PTPRT: variants seen among roughly 807,000 people sequenced by gnomAD.
PTPRT encodes protein tyrosine phosphatase receptor type T, also known as receptor-type tyrosine-protein phosphatase T.
In PTPRT, 56 loss-of-function variants were observed where a neutral mutation model predicts 176.8. That is an observed-to-expected ratio of 0.32 (90% CI 0.26 to 0.40). PTPRT has a LOEUF of 0.40. Among genes scored for constraint, PTPRT ranks in the 10% least tolerant of loss-of-function variants. The probability of loss-of-function intolerance (pLI) is 1.00; values close to 1 mark genes in which losing one functional copy is unlikely to be tolerated. For synonymous variants in PTPRT, 783 were observed against 739.0 expected (o/e 1.06, Z -0.96); for missense variants, 1,540 against 1,908.2 (o/e 0.81, Z 3.60).
At chr20:43,166,754 T>C (rs2014869644) in intron 1 of PTPRT, among the ~76,000 whole-genome samples, 1 of 152,314 alleles carries the variant, frequency 6.6e-6, no homozygotes, top group East Asian at 1.9e-4. Flanking sequence ...ACTGGCCTCA[T>C]GGCTGGCAGA....
At chr20:42,146,067 AG>A (rs1458947690) in intron 17 of PTPRT, among the ~76,000 whole-genome samples, 1 of 152,088 alleles carries the variant, frequency 6.6e-6, no homozygotes, top group African/African-American at 2.4e-5. Context: ...CCACCAGTTT[AG>A]GCCATCTCTA....
intron 1 of PTPRT, among the ~76,000 whole-genome samples, chr20:42,970,667 G>T (rs1982576734): frequency 6.6e-6 from 1 of 152,198 alleles, no homozygotes; most frequent in Admixed American, 6.5e-5. Context: ...CAGACAGACA[G>T]ATGATTAGGA....
intron 2 of PTPRT, among the ~76,000 whole-genome samples, chr20:42,878,332 A>G (rs1203513476): frequency 1.3e-5 from 2 of 152,220 alleles, no homozygotes; most frequent in East Asian, 3.8e-4. Context: ...TAAATAGCAA[A>G]ATACATATTT....
At chr20:42,209,336 CA>C in intron 15 of PTPRT, among the ~76,000 whole-genome samples, 1 of 151,982 alleles carries the variant, frequency 6.6e-6, no homozygotes. Context: ...AAAAACCCTT[CA>C]AAAAATTAAT....
At chr20:42,992,479 C>G (rs1983973483) in intron 1 of PTPRT, among the ~76,000 whole-genome samples, 1 of 152,190 alleles carries the variant, frequency 6.6e-6, no homozygotes, top group African/African-American at 2.4e-5. Context: ...AGCTGCCCTG[C>G]CTAGCCTTTC....
chr20:42,773,748 T>C (rs1000775980), intron 4 of PTPRT, among the ~76,000 whole-genome samples: 1 of 152,214 alleles, frequency 6.6e-6, no homozygotes, highest in South Asian at 2.1e-4. Context: ...AGAGTGAACC[T>C]TGGAAGCCTG....
intron 5 of PTPRT, among the ~76,000 whole-genome samples, chr20:42,767,548 G>A (rs563006413): frequency 2.4e-4 from 36 of 151,330 alleles, no homozygotes; most frequent in South Asian, 4.2e-4. Context: ...CTTCCATATA[G>A]GAAGGACATA....
intron 6 of PTPRT, among the ~76,000 whole-genome samples, chr20:42,723,966 A>G (rs1290291189): frequency 6.6e-6 from 1 of 152,332 alleles, no homozygotes; most frequent in African/African-American, 2.4e-5. Context: ...GTTTGATCTT[A>G]GTGAGTTCAT....
At chr20:42,354,096 C>G (rs747838342) in intron 9 of PTPRT, among the ~76,000 whole-genome samples, 2 of 152,000 alleles carry the variant, frequency 1.3e-5, no homozygotes, top group African/African-American at 4.8e-5. Context: ...AATATACATA[C>G]AGAAAAGCAT....
chr20:42,263,372 T>G (rs1022602136), intron 13 of PTPRT, among the ~76,000 whole-genome samples: 1 of 31,118 alleles, frequency 3.2e-5, no homozygotes, highest in East Asian at 5.8e-4. Context: ...CATGCCTGGC[T>G]TTTTTTTTTT....
intron 15 of PTPRT, among the ~76,000 whole-genome samples, chr20:42,225,517 C>G (rs188173383): frequency 3.0e-4 from 45 of 152,250 alleles, no homozygotes; most frequent in Non-Finnish European, 5.9e-5. Flanking sequence ...TATAGCATTC[C>G]TTTCTTCCAC....
intron 13 of PTPRT, among the ~76,000 whole-genome samples, chr20:42,262,079 A>G (rs1037342417): frequency 3.3e-5 from 5 of 152,200 alleles, no homozygotes; most frequent in African/African-American, 1.2e-4. Context: ...CGGTAATAAA[A>G]TGAGCAGCAG....
Position 43,188,743 on chromosome 20 carries a change from T to C in PTPRT, c.88+903A>G, listed in dbSNP as rs754883. On this transcript the variant is annotated intron_variant, in intron 1 of 30. Transcript: ENST00000373187. ...CACTCCCTTCTCTTCCCTCCGCCGC[T>C]ACTCTTGGGGGGGGGGGGGCTCGGG... Among the ~76,000 whole-genome samples the C allele has an allele frequency of 6.4e-3, 531 of 82,368 alleles. 6 individuals are homozygous for C. Among genetic ancestry groups the C allele is most frequent in the Non-Finnish European group, 0.011 (448 of 40,412 alleles). The allele number at this position is 82,368 out of a possible 152,430, so 54.0% of individuals were successfully genotyped here.
chr20:43,099,826 C>T (rs1391412591), intron 1 of PTPRT, among the ~76,000 whole-genome samples: 3 of 152,270 alleles, frequency 2.0e-5, no homozygotes, highest in East Asian at 3.9e-4. Context: ...TCCCTGTAAC[C>T]CTTGATTCTT....
chr20:43,088,401 T>C (rs1248788274), intron 1 of PTPRT, among the ~76,000 whole-genome samples: 1 of 150,766 alleles, frequency 6.6e-6, no homozygotes, highest in Non-Finnish European at 1.5e-5. Flanking sequence ...TCTGAAAGCA[T>C]TTCTAAAAGT....
chr20:43,135,411 G>A (rs191323197), intron 1 of PTPRT, among the ~76,000 whole-genome samples: 7 of 152,250 alleles, frequency 4.6e-5, no homozygotes, highest in Admixed American at 2.6e-4. Context: ...CAATATGTAC[G>A]CGGTGACCCC....
chr20:42,300,038 A>T (rs2057439685), intron 12 of PTPRT, among the ~76,000 whole-genome samples: 1 of 149,712 alleles, frequency 6.7e-6, no homozygotes, highest in Non-Finnish European at 1.5e-5. Flanking sequence ...CAGGTGGATC[A>T]CCTGAGGTCA....
chr20:42,771,296 G>A lies in PTPRT; in HGVS notation c.684+139C>T. 3 of 745,968 alleles carry A rather than the reference G, an allele frequency of 4.0e-6. No homozygotes were observed. In the South Asian group the frequency reaches 5.0e-5, roughly 13 times the overall value. The allele number at this position is 745,968 out of a possible 1,614,324, so 46.2% of individuals were successfully genotyped here. ...ATTACCCCAGTTTGTAAGCAAGGGT[G>A]GGCTCCGGTGCTAGCTGTTGTCCCC... On this transcript the variant is annotated intron_variant, in intron 5 of 30. Transcript: ENST00000373187.
chr20:43,112,878 A>C (rs2012919894), intron 1 of PTPRT, among the ~76,000 whole-genome samples: 1 of 151,956 alleles, frequency 6.6e-6, no homozygotes, highest in Admixed American at 6.6e-5. Flanking sequence ...CATGTAACTC[A>C]TTCATGATAT....
Sources: gnomAD v4.1 joint callset for allele counts (sites outside exome capture counted in the v4.1 genomes callset) on GRCh38, gnomAD v4.1.1 for gene constraint, MANE v1.5 for transcripts, NCBI Gene and HGNC (gene_info 2026-07-23, HGNC 2026-07-21) for gene names.